The following PRKCE variants were observed in gnomAD, a reference collection of about 807,000 sequenced individuals.
PRKCE encodes the protein protein kinase C epsilon type.
A neutral mutation model predicts 85.4 loss-of-function variants in PRKCE; 16 were observed. The ratio of observed to expected loss-of-function variants is 0.19; its 90% confidence interval spans 0.13 to 0.28. The LOEUF is 0.28. Ranked by LOEUF, PRKCE falls within the 10% of genes least tolerant of loss-of-function variation. PRKCE has a pLI of 1.00. For synonymous variants in PRKCE, 388 were observed against 371.5 expected (o/e 1.04, Z -0.51); for missense variants, 573 against 975.2 (o/e 0.59, Z 5.49).
intron 12 of PRKCE, among the ~76,000 whole-genome samples, chr2:46,149,784 C>CGT (rs1395359057): frequency 2.7e-5 from 4 of 148,492 alleles, no homozygotes; most frequent in African/African-American, 7.5e-5. Flanking sequence ...TTTATATGTG[C>CGT]GTGTGTGTGT....
chr2:45,669,918 C>T (rs986985474), intron 1 of PRKCE, among the ~76,000 whole-genome samples: 3 of 152,042 alleles, frequency 2.0e-5, no homozygotes, highest in African/African-American at 4.8e-5. Flanking sequence ...GGCTGAGGCA[C>T]GAGAATCACT....
At chr2:46,007,210 T>C (rs1705281994) in intron 8 of PRKCE, among the ~76,000 whole-genome samples, 2 of 152,208 alleles carry the variant, frequency 1.3e-5, no homozygotes, top group South Asian at 4.1e-4. Context: ...CAGTGTAATC[T>C]GGAGTTGACA....
At chr2:45,760,275 C>T (rs1248017952) in intron 1 of PRKCE, among the ~76,000 whole-genome samples, 1 of 152,138 alleles carries the variant, frequency 6.6e-6, no homozygotes. Flanking sequence ...ATCAAGGCCA[C>T]AGAAAGAAAG....
chr2:45,889,180 C>T (rs974765038), intron 2 of PRKCE, among the ~76,000 whole-genome samples: 4 of 152,034 alleles, frequency 2.6e-5, no homozygotes, highest in African/African-American at 7.2e-5. Context: ...AAGAGTATAC[C>T]GAGTTGGGGG....
chr2:46,143,270 A>G (rs566568083), intron 11 of PRKCE, among the ~76,000 whole-genome samples: 3 of 152,194 alleles, frequency 2.0e-5, no homozygotes, highest in Admixed American at 6.5e-5. Context: ...TCCTTTTCCA[A>G]TTAGTATCAC....
intron 13 of PRKCE, among the ~76,000 whole-genome samples, chr2:46,157,289 GC>G (rs1440740070): frequency 6.6e-6 from 1 of 152,068 alleles, no homozygotes; most frequent in African/African-American, 2.4e-5. Flanking sequence ...ACCATCCCAG[GC>G]CCCAACACCA....
rs74895867 is a variant in PRKCE, at chr2:45,726,716, T to A, written c.348+74268T>A. Among the ~76,000 whole-genome samples, 750 of 152,304 alleles carry A rather than the reference T, an allele frequency of 4.9e-3. 2 individuals carry two copies. The highest frequency in any genetic ancestry group is 0.017 in the African/African-American group (718 of 41,562). Reference sequence around the variant, plus strand: ...ACTTTTGATTCTCAGGATACATTCTTCTAAAAAATATTGCTGATTTAAGGG... The same window carrying A: ...ACTTTTGATTCTCAGGATACATTCTACTAAAAAATATTGCTGATTTAAGGG... On this transcript the variant is annotated intron_variant, in intron 1 of 14. Transcript: ENST00000306156.
Position 46,068,804 on chromosome 2 carries a change from T to C in PRKCE, c.1438-17404T>C, listed in dbSNP as rs1667837654. Among the ~76,000 whole-genome samples, 1 of 152,166 alleles carries C rather than the reference T, an allele frequency of 6.6e-6. No homozygotes were observed. Among genetic ancestry groups the C allele is most frequent in the African/African-American group, 2.4e-5 (1 of 41,438 alleles). ...CCAAGAGCAAGAAGTGGTTGTGATA[T>C]TAAAAGAGATCAGCTCAAGTAGGGA... On this transcript the variant is annotated intron_variant, in intron 10 of 14. Coordinates refer to ENST00000306156, the MANE Select transcript of PRKCE (RefSeq NM_005400.3). This position sits in a 1 kb window ranked among gnomAD's most constrained non-coding sequence, Gnocchi z 4.3.
chr2:46,021,883 T>A (rs988521029), intron 10 of PRKCE, among the ~76,000 whole-genome samples: 1 of 152,208 alleles, frequency 6.6e-6, no homozygotes, highest in African/African-American at 2.4e-5. Context: ...GATAGTGGTC[T>A]GGTGGTGTTT....
At chr2:46,096,153 T>C (rs1670661428) in intron 11 of PRKCE, among the ~76,000 whole-genome samples, 1 of 152,226 alleles carries the variant, frequency 6.6e-6, no homozygotes, top group Non-Finnish European at 1.5e-5. Context: ...GAATCCTGGG[T>C]CTGCCTCATC....
intron 11 of PRKCE, among the ~76,000 whole-genome samples, chr2:46,132,820 A>T (rs1674595554): frequency 6.6e-6 from 1 of 152,248 alleles, no homozygotes; most frequent in African/African-American, 2.4e-5. Context: ...TTTAAGAATA[A>T]TAAAATCTGT....
intron 2 of PRKCE, among the ~76,000 whole-genome samples, chr2:45,881,996 C>T (rs1694923657): frequency 1.3e-5 from 2 of 152,170 alleles, no homozygotes; most frequent in Admixed American, 1.3e-4. Context: ...TTCCAAAGCG[C>T]TGATATGTCA....
chr2:45,808,286 A>G (rs954513495), intron 1 of PRKCE, among the ~76,000 whole-genome samples: 6 of 152,210 alleles, frequency 3.9e-5, no homozygotes, highest in Non-Finnish European at 8.8e-5. Context: ...GACACTCAGT[A>G]TATACCTAGG....
chr2:46,127,357 T>G (rs1292050358), intron 11 of PRKCE, among the ~76,000 whole-genome samples: 3 of 152,208 alleles, frequency 2.0e-5, no homozygotes, highest in African/African-American at 7.2e-5. Flanking sequence ...TGTATAGACT[T>G]GTTTATATAT....
At chr2:46,133,542 G>C (rs1370468750) in intron 11 of PRKCE, among the ~76,000 whole-genome samples, 1 of 152,198 alleles carries the variant, frequency 6.6e-6, no homozygotes, top group Non-Finnish European at 1.5e-5. Context: ...AGTAGTCAAT[G>C]AATATATCAG....
In PRKCE at chr2:46,187,430, G is replaced by C. The variant is rs750605676; in HGVS notation, c.*2549G>C. 2.6e-5 allele frequency: 4 copies of C among 152,596 alleles called. No homozygotes were observed. Among genetic ancestry groups the C allele is most frequent in the African/African-American group, 4.8e-5 (2 of 41,442 alleles). 9.5% of individuals were successfully genotyped at this position (152,596 alleles called of 1,614,324 possible). ...ATCCAGCAAAGGTCTATAGAAAAAG[G>C]CTTGCGTGTTCGTTGAGTAATCATT... On this transcript the variant is annotated 3_prime_UTR_variant, in exon 15 of 15. Transcript: ENST00000306156.
intron 2 of PRKCE, among the ~76,000 whole-genome samples, chr2:45,893,632 G>C (rs1219078331): frequency 6.6e-6 from 1 of 151,254 alleles, no homozygotes; most frequent in Non-Finnish European, 1.5e-5. Context: ...AAAGTGCTGG[G>C]ATTACAGGCA....
Position 45,722,712 on chromosome 2 carries a change from C to A in PRKCE, c.348+70264C>A, listed in dbSNP as rs542089488. On this transcript the variant is annotated intron_variant, in intron 1 of 14. Transcript: ENST00000306156. ...GAGTGGTGACAGATTTGGCCCATTT[C>A]CACTTGGAGTCCTAATCTCACCTTG... Among the ~76,000 whole-genome samples the A allele has an allele frequency of 2.0e-5, 3 of 152,204 alleles. No individual in the cohort carries two copies. In the South Asian group the frequency reaches 6.2e-4, roughly 32 times the overall value.
chr2:46,050,393 G>T (rs937059565), intron 10 of PRKCE, among the ~76,000 whole-genome samples: 1 of 152,204 alleles, frequency 6.6e-6, no homozygotes, highest in African/African-American at 2.4e-5. Flanking sequence ...CCAGTGTTCC[G>T]CTCGTTAAAA....
Sources: allele counts gnomAD v4.1 joint callset (sites outside exome capture counted in the v4.1 genomes callset), GRCh38; gene constraint gnomAD v4.1.1; non-coding constraint Gnocchi (gnomAD v3.1); transcripts MANE v1.5; gene names NCBI Gene and HGNC (gene_info 2026-07-23, HGNC 2026-07-21).